LINGO2: variants seen among roughly 807,000 people sequenced by gnomAD.
LINGO2 encodes leucine-rich repeat and immunoglobulin-like domain-containing nogo receptor-interacting protein 2.
Under a neutral mutation model 30.6 loss-of-function variants are expected in LINGO2, and 14 were observed. That is an observed-to-expected ratio of 0.46 (90% confidence interval 0.30 to 0.72). The LOEUF (loss-of-function observed/expected upper bound fraction) is 0.72. LINGO2 is among the 30% of genes least tolerant of loss of function. The probability of loss-of-function intolerance (pLI) is 0.07; values close to 1 mark genes in which losing one functional copy is unlikely to be tolerated. For synonymous variants in LINGO2, 317 were observed against 288.5 expected (o/e 1.10, Z -1.00); for missense variants, 729 against 751.7 (o/e 0.97, Z 0.35).
At chr9:28,402,618 C>G (rs1291457502) in intron 2 of LINGO2, among the ~76,000 whole-genome samples, 1 of 151,782 alleles carries the variant, frequency 6.6e-6, no homozygotes, top group African/African-American at 2.4e-5. Context: ...TTCTTTTCCT[C>G]TTAGGTATCT....
the LINGO2 span, among the ~76,000 whole-genome samples, chr9:28,886,429 TA>T: frequency 6.6e-6 from 1 of 152,172 alleles, no homozygotes; most frequent in Admixed American, 6.5e-5. Flanking sequence ...TACTAGGCAG[TA>T]ATCTTTCAGT....
chr9:28,980,728 T>G, the LINGO2 span, among the ~76,000 whole-genome samples: 2 of 152,138 alleles, frequency 1.3e-5, no homozygotes, highest in Admixed American at 1.3e-4. Context: ...ATTTAAAATT[T>G]GAGACCTCTC....
chr9:28,940,047 T>A, the LINGO2 span, among the ~76,000 whole-genome samples: 1 of 152,192 alleles, frequency 6.6e-6, no homozygotes, highest in Non-Finnish European at 1.5e-5. Flanking sequence ...TATGAAGCAC[T>A]CTGTTACATT....
At chr9:28,812,578 C>T in the LINGO2 span, among the ~76,000 whole-genome samples, 2 of 152,120 alleles carry the variant, frequency 1.3e-5, no homozygotes, top group Non-Finnish European at 2.9e-5. Flanking sequence ...TAGCTACATG[C>T]ACCAAGAGAA....
At chr9:28,906,234 A>T in the LINGO2 span, among the ~76,000 whole-genome samples, 12 of 151,952 alleles carry the variant, frequency 7.9e-5, no homozygotes, top group East Asian at 7.7e-4. Flanking sequence ...TTATTGTACA[A>T]TATGATGACT....
chr9:27,980,904 G>C (rs1820822826), intron 5 of LINGO2, among the ~76,000 whole-genome samples: 1 of 151,822 alleles, frequency 6.6e-6, no homozygotes, highest in African/African-American at 2.4e-5. Flanking sequence ...AATGAATTAG[G>C]AACTAAAGGC....
chr9:28,058,686 TA>T (rs1396805033), intron 4 of LINGO2, among the ~76,000 whole-genome samples: 2 of 152,124 alleles, frequency 1.3e-5, no homozygotes, highest in East Asian at 3.9e-4. Flanking sequence ...ATTTATAAGG[TA>T]AATATAGTAA....
chr9:28,246,783 C>A (rs55877409), intron 4 of LINGO2, among the ~76,000 whole-genome samples: 1 of 152,060 alleles, frequency 6.6e-6, no homozygotes, highest in Non-Finnish European at 1.5e-5. Flanking sequence ...AGCTTCTGCA[C>A]AGCAAAAGAA....
At chr9:28,105,702 C>A (rs1826567305) in intron 4 of LINGO2, among the ~76,000 whole-genome samples, 2 of 151,888 alleles carry the variant, frequency 1.3e-5, no homozygotes, top group African/African-American at 4.8e-5. Flanking sequence ...CACTTTATAA[C>A]AAGAGGAACC....
intron 2 of LINGO2, among the ~76,000 whole-genome samples, chr9:28,436,863 A>T (rs749307412): frequency 6.6e-6 from 1 of 152,182 alleles, no homozygotes; most frequent in Non-Finnish European, 1.5e-5. Flanking sequence ...GCAAGGCCTG[A>T]TAGGGCAAGG....
At chr9:28,777,438 G>A in the LINGO2 span, among the ~76,000 whole-genome samples, 1 of 152,144 alleles carries the variant, frequency 6.6e-6, no homozygotes, top group Non-Finnish European at 1.5e-5. Context: ...CTAAGCTGTT[G>A]AAAGCTGGAG....
intron 3 of LINGO2, among the ~76,000 whole-genome samples, chr9:28,307,456 A>G (rs1159346366): frequency 6.6e-6 from 1 of 152,200 alleles, no homozygotes; most frequent in Non-Finnish European, 1.5e-5. Context: ...ATCTATGACA[A>G]ACCCACAACC....
the LINGO2 span, among the ~76,000 whole-genome samples, chr9:28,831,077 G>A: frequency 2.6e-5 from 4 of 152,088 alleles, no homozygotes; most frequent in African/African-American, 7.2e-5. Flanking sequence ...GGTATGTAAG[G>A]GATTCTGCAA....
At chr9:29,030,185 T>C in the LINGO2 span, among the ~76,000 whole-genome samples, 2 of 152,124 alleles carry the variant, frequency 1.3e-5, no homozygotes, top group Admixed American at 6.6e-5. Context: ...AGCTGTAACA[T>C]ATTTCTAAAG....
chr9:29,123,762 A>G, the LINGO2 span, among the ~76,000 whole-genome samples: 6 of 152,092 alleles, frequency 3.9e-5, no homozygotes, highest in Non-Finnish European at 8.8e-5. Context: ...AAAACTAATA[A>G]AACTTAAATA....
the LINGO2 span, among the ~76,000 whole-genome samples, chr9:28,911,349 C>A: frequency 6.6e-6 from 1 of 151,610 alleles, no homozygotes; most frequent in Non-Finnish European, 1.5e-5. Context: ...ATTGTCTTTT[C>A]TTTATTTAAA....
At chr9:29,175,829 G>A in the LINGO2 span, among the ~76,000 whole-genome samples, 1 of 152,004 alleles carries the variant, frequency 6.6e-6, no homozygotes, top group African/African-American at 2.4e-5. Context: ...GACTTCAAAG[G>A]AAATAATATT....
chr9:28,076,406 C>G (rs960859883), intron 4 of LINGO2, among the ~76,000 whole-genome samples: 1 of 152,030 alleles, frequency 6.6e-6, no homozygotes, highest in Non-Finnish European at 1.5e-5. Flanking sequence ...GTAAACATAT[C>G]TGAAAACATT....
At chr9:28,879,472 T>C in the LINGO2 span, among the ~76,000 whole-genome samples, 3 of 152,186 alleles carry the variant, frequency 2.0e-5, no homozygotes, top group Non-Finnish European at 2.9e-5. Context: ...AAGTCAGCTA[T>C]ATTAACAATC....
Sources: allele counts gnomAD v4.1 joint callset (sites outside exome capture counted in the v4.1 genomes callset), GRCh38; gene constraint gnomAD v4.1.1; transcripts MANE v1.5; gene names NCBI Gene and HGNC (gene_info 2026-07-23, HGNC 2026-07-21).